Variants in GRM1 observed in about 807,000 individuals in gnomAD.
The protein encoded by GRM1 is metabotropic glutamate receptor 1.
A neutral mutation model predicts 90.9 loss-of-function variants in GRM1; 33 were observed. That is an observed-to-expected ratio of 0.36 (90% CI 0.28 to 0.49). GRM1 has a LOEUF of 0.49. GRM1 is among the 20% of genes least tolerant of loss of function. The pLI, the probability that GRM1 is intolerant of heterozygous loss-of-function variation, is 0.99. For synonymous variants in GRM1, 700 were observed against 613.2 expected, an observed-to-expected ratio of 1.14 and a Z score of -2.09; for missense variants, 1,190 against 1,534.3, an observed-to-expected ratio of 0.78 and a Z score of 3.75.
chr6:146,096,761 A>C (rs1245052168), intron 1 of GRM1, among the ~76,000 whole-genome samples: 1 of 152,152 alleles, frequency 6.6e-6, no homozygotes, highest in East Asian at 1.9e-4. Context: ...TGCTTGAGTA[A>C]TAAGTTTGAT....
intron 1 of GRM1, among the ~76,000 whole-genome samples, chr6:146,112,407 A>G (rs1775592580): frequency 6.6e-6 from 1 of 152,084 alleles, no homozygotes; most frequent in Non-Finnish European, 1.5e-5. Context: ...TGAGATAAGC[A>G]GAACTAGTGA....
intron 5 of GRM1, among the ~76,000 whole-genome samples, chr6:146,376,127 G>T (rs995391710): frequency 3.3e-5 from 5 of 151,800 alleles, no homozygotes; most frequent in African/African-American, 7.3e-5. Context: ...ACTTAACACT[G>T]TTTCAATAAA....
chr6:146,245,063 G>T (rs1355047687), intron 2 of GRM1, among the ~76,000 whole-genome samples: 1 of 152,138 alleles, frequency 6.6e-6, no homozygotes, highest in East Asian at 1.9e-4. Context: ...GTGATAAATT[G>T]TTCTTTTGTT....
chr6:146,140,090 A>ATTCTTTTT (rs1554272172), intron 1 of GRM1, among the ~76,000 whole-genome samples: 1 of 57,838 alleles, frequency 1.7e-5, no homozygotes, highest in African/African-American at 7.7e-5. Context: ...TTCTTTCTTT[A>ATTCTTTTT]TTCTTTCTTT....
intron 7 of GRM1, among the ~76,000 whole-genome samples, chr6:146,413,057 T>C (rs1412743077): frequency 1.3e-5 from 2 of 152,162 alleles, no homozygotes; most frequent in African/African-American, 4.8e-5. Flanking sequence ...CTAGAGTAGA[T>C]TTCTCAGGAA....
chr6:146,350,029 A>T (rs1785339895), intron 3 of GRM1, among the ~76,000 whole-genome samples: 2 of 152,202 alleles, frequency 1.3e-5, no homozygotes, highest in Non-Finnish European at 2.9e-5. Flanking sequence ...GCTAACACTA[A>T]CTTTCTCTCT....
chr6:146,414,337 T>G (rs1415587457), intron 7 of GRM1, among the ~76,000 whole-genome samples: 2 of 151,386 alleles, frequency 1.3e-5, no homozygotes, highest in Admixed American at 6.6e-5. Context: ...TTGTGAAATA[T>G]CTATCCAAAT....
chr6:146,308,045 G>A (rs913784544), intron 3 of GRM1, among the ~76,000 whole-genome samples: 1 of 152,240 alleles, frequency 6.6e-6, no homozygotes, highest in African/African-American at 2.4e-5. Flanking sequence ...AGTGGAAAGA[G>A]CTGTAAAGCA....
At chr6:146,118,549 G>A (rs946364037) in intron 1 of GRM1, among the ~76,000 whole-genome samples, 4 of 152,078 alleles carry the variant, frequency 2.6e-5, no homozygotes, top group African/African-American at 9.7e-5. Flanking sequence ...CCATTAACTC[G>A]TCATTTACAT....
At chr6:146,114,977 T>C (rs1775688259) in intron 1 of GRM1, among the ~76,000 whole-genome samples, 1 of 152,052 alleles carries the variant, frequency 6.6e-6, no homozygotes, top group Non-Finnish European at 1.5e-5. Context: ...CTACAGGACA[T>C]GAAAATTCTT....
At chr6:146,111,362 C>A (rs1336651956) in intron 1 of GRM1, among the ~76,000 whole-genome samples, 1 of 152,198 alleles carries the variant, frequency 6.6e-6, no homozygotes, top group African/African-American at 2.4e-5. Flanking sequence ...AAAACATTTA[C>A]TGAATGCATA....
At chr6:146,059,667 A>T (rs1031860372) in intron 1 of GRM1, among the ~76,000 whole-genome samples, 2 of 152,160 alleles carry the variant, frequency 1.3e-5, no homozygotes, top group Admixed American at 1.3e-4. Flanking sequence ...GTTTGTCTGC[A>T]TTCAAAATCA....
At chr6:146,320,501 C>T (rs1784141171) in intron 3 of GRM1, among the ~76,000 whole-genome samples, 2 of 151,930 alleles carry the variant, frequency 1.3e-5, no homozygotes, top group Admixed American at 1.3e-4. Context: ...GGGAGGAGTC[C>T]CTCTTTTTAT....
intron 2 of GRM1, among the ~76,000 whole-genome samples, chr6:146,258,035 T>G (rs1781552216): frequency 6.6e-6 from 1 of 152,112 alleles, no homozygotes; most frequent in Non-Finnish European, 1.5e-5. Flanking sequence ...GTGGTTTTAG[T>G]AGCAGAATTA....
chr6:146,152,244 T>C (rs779975702), intron 1 of GRM1, among the ~76,000 whole-genome samples: 21 of 152,082 alleles, frequency 1.4e-4, no homozygotes, highest in Non-Finnish European at 2.9e-4. Context: ...ACTTACTGCC[T>C]CTAAAAATAC....
At chr6:146,250,231 GA>G (rs1423673703) in intron 2 of GRM1, among the ~76,000 whole-genome samples, 6 of 152,198 alleles carry the variant, frequency 3.9e-5, no homozygotes, top group African/African-American at 1.4e-4. Flanking sequence ...GATTGGCTTT[GA>G]AATGTGAAAA....
At chr6:146,314,050 C>CTT (rs1783869802) in intron 3 of GRM1, among the ~76,000 whole-genome samples, 4 of 82,908 alleles carry the variant, frequency 4.8e-5, no homozygotes, top group Non-Finnish European at 1.0e-4. Flanking sequence ...ATAGTTAATT[C>CTT]CTTTTTTTTT....
chr6:146,161,422 TTA>T (rs1337552707), intron 2 of GRM1, among the ~76,000 whole-genome samples: 1 of 152,210 alleles, frequency 6.6e-6, no homozygotes, highest in African/African-American at 2.4e-5. Flanking sequence ...TCTAGCTCTT[TTA>T]TTTTACCTCC....
At chr6:146,103,972 A>G (rs1227049025) in intron 1 of GRM1, among the ~76,000 whole-genome samples, 2 of 152,164 alleles carry the variant, frequency 1.3e-5, no homozygotes, top group East Asian at 3.9e-4. Context: ...GAAGAAAAAA[A>G]CCATCTGATC....
Sources: gnomAD v4.1 joint callset for allele counts (sites outside exome capture counted in the v4.1 genomes callset) on GRCh38, gnomAD v4.1.1 for gene constraint, MANE v1.5 for transcripts, NCBI Gene and HGNC (gene_info 2026-07-23, HGNC 2026-07-21) for gene names.